Variants in PNO1 observed in about 807,000 individuals in gnomAD.
The protein encoded by PNO1 is partner of NOB1 homolog.
A neutral mutation model predicts 28.4 loss-of-function variants in PNO1; 16 were observed. The ratio of observed to expected loss-of-function variants is 0.56; its 90% confidence interval spans 0.38 to 0.85. The LOEUF (loss-of-function observed/expected upper bound fraction) is 0.85. Among genes scored for constraint, PNO1 ranks in the 40% least tolerant of loss-of-function variants. PNO1 has a pLI of 0.00. For missense variants in PNO1, 304 were observed against 312.2 expected (o/e 0.97, Z 0.20); for synonymous variants, 115 against 110.8 (o/e 1.04, Z -0.24).
intron 5 of PNO1, among the ~76,000 whole-genome samples, chr2:68,170,989 C>T (rs1674118175): frequency 6.6e-6 from 1 of 152,198 alleles, no homozygotes. Flanking sequence ...CTCAGCCTTT[C>T]TGTCACTCCG....
chr2:68,174,194 G>C (rs1394317106), intron 6 of PNO1, among the ~76,000 whole-genome samples: 1 of 151,512 alleles, frequency 6.6e-6, no homozygotes, highest in Non-Finnish European at 1.5e-5. Context: ...TCAGTGATTG[G>C]CTTCTTTTTG....
At position 68,163,540 on chromosome 2, in the gene PNO1, A is replaced by AATAAATAC. The variant is rs1553401137; in HGVS notation, c.620+880_620+881insAATACATA. On this transcript the variant is annotated intron_variant, in intron 5 of 6. Coordinates refer to ENST00000263657, the MANE Select transcript of PNO1 (RefSeq NM_020143.4). The stretch of plus-strand genomic sequence containing the variant: ...AGTGAGACTCTGTCTCAAATAAATA[A>AATAAATAC]ATACATACATACATACATACATACA... Among the ~76,000 whole-genome samples, 297 of 136,160 alleles carry AATAAATAC rather than the reference A, an allele frequency of 2.2e-3. 2 individuals carry two copies. Among genetic ancestry groups the AATAAATAC allele is most frequent in the African/African-American group, 4.0e-3 (149 of 37,660 alleles). 89.3% of individuals were successfully genotyped at this position (136,160 alleles called of 152,430 possible). A position where few individuals can be genotyped will look rare whatever the true frequency, so the allele number is the denominator to read the frequency against.
intron 5 of PNO1, 194 bp from the exon 6 acceptor site, chr2:68,173,153 C>T: frequency 3.1e-6 from 1 of 321,192 alleles, no homozygotes; most frequent in Non-Finnish European, 5.7e-6. Context: ...ATGTTGCACT[C>T]TACAGGCACG....
At chr2:68,167,006 T>C (rs534014709) in intron 5 of PNO1, among the ~76,000 whole-genome samples, 2 of 152,346 alleles carry the variant, frequency 1.3e-5, no homozygotes, top group East Asian at 3.9e-4. Flanking sequence ...TCCTGTACTG[T>C]CATGCAAAAC....
At chr2:68,172,608 A>C (rs1198991461) in intron 5 of PNO1, among the ~76,000 whole-genome samples, 1 of 152,228 alleles carries the variant, frequency 6.6e-6, no homozygotes, top group Non-Finnish European at 1.5e-5. Flanking sequence ...AAATTTAGAT[A>C]ATCTTTAGGA....
At chr2:68,171,859 G>A (rs945898542) in intron 5 of PNO1, among the ~76,000 whole-genome samples, 1 of 152,176 alleles carries the variant, frequency 6.6e-6, no homozygotes, top group Non-Finnish European at 1.5e-5. Flanking sequence ...GAAGGGCAGT[G>A]AAGGTGAGTA....
intron 5 of PNO1, among the ~76,000 whole-genome samples, chr2:68,163,479 C>T (rs1326105174): frequency 6.6e-6 from 1 of 151,898 alleles, no homozygotes. Context: ...TGCAGTGAGC[C>T]GAGATCATGC....
intron 5 of PNO1, among the ~76,000 whole-genome samples, chr2:68,168,707 C>T (rs72892464): frequency 0.02 from 2,989 of 152,200 alleles, 76 homozygotes; most frequent in African/African-American, 0.064. Flanking sequence ...GCCTGGGCGC[C>T]TAGGGGCTTT....
In PNO1 at chr2:68,162,608, A is replaced by G; in HGVS notation, c.565A>G (p.Lys189Glu). Residue 189 changes from lysine to glutamate, a missense_variant, in exon 5 of 7, where the codon AAA (lysine) becomes GAA (glutamate). Transcript: ENST00000263657. ...AIGRIAGKGG[K>E]TKFTIENVTR... Reference sequence around the variant, plus strand: ...AGGAAGAATCGCTGGCAAAGGAGGAAAAACCAAATTCACCATAGAGAATGT... The same window carrying G: ...AGGAAGAATCGCTGGCAAAGGAGGAGAAACCAAATTCACCATAGAGAATGT... 1 of 1,614,026 alleles carries G rather than the reference A, an allele frequency of 6.2e-7. No individual in the cohort carries two copies. The highest frequency in any genetic ancestry group is 8.5e-7 in the Non-Finnish European group (1 of 1,179,892).
chr2:68,160,737 TCTA>T (rs1452564237), intron 2 of PNO1, among the ~76,000 whole-genome samples: 1 of 152,234 alleles, frequency 6.6e-6, no homozygotes, highest in East Asian at 1.9e-4. Flanking sequence ...CTCAGGATCT[TCTA>T]CTCTGACCTC....
chr2:68,174,128 A>G lies in PNO1; in HGVS notation c.692-607A>G, dbSNP rs568649225. Among the ~76,000 whole-genome samples, 141 of 152,298 alleles carry G rather than the reference A, an allele frequency of 9.3e-4. 1 individual carries two copies. Among genetic ancestry groups the G allele is most frequent in the African/African-American group, 3.2e-3 (134 of 41,576 alleles). ...AGCAAAGTCAGTACTTTCTGATAAG[A>G]GTTGCAGGATCTTAGCGGCTTGCTC... On this transcript the variant is annotated intron_variant, in intron 6 of 6. Transcript: ENST00000263657.
chr2:68,158,075 G>A lies in PNO1; in HGVS notation c.141G>A (p.Met47Ile), dbSNP rs374331655. 7.1e-5 allele frequency: 115 copies of A among 1,613,530 alleles called. No individual in the cohort carries two copies. The highest frequency in any genetic ancestry group is 9.2e-5 in the Non-Finnish European group (108 of 1,179,918). The change falls in exon 1 of 7, where the codon ATG (methionine) becomes ATA (isoleucine). Residue 47 changes from methionine to isoleucine, a missense_variant. Physicochemically the swap from Met to Ile is conservative, Grantham distance 10. Transcript: ENST00000263657. ...GAGAGGGCGGGGATGCGGGCCGCATGGACACAGAGGAGGCCAGGCCGGCGA... is the reference window on the plus strand; with the variant it reads ...GAGAGGGCGGGGATGCGGGCCGCATAGACACAGAGGAGGCCAGGCCGGCGA... ...AAGEGGDAGR[M>I]DTEEARPAKR...
chr2:68,169,394 C>T (rs1674070684), intron 5 of PNO1, among the ~76,000 whole-genome samples: 1 of 152,152 alleles, frequency 6.6e-6, no homozygotes. Context: ...CGAGAAATCA[C>T]TTTCTACTGT....
At chr2:68,163,377 C>CA (rs1395601955) in intron 5 of PNO1, among the ~76,000 whole-genome samples, 1 of 151,760 alleles carries the variant, frequency 6.6e-6, no homozygotes, top group Non-Finnish European at 1.5e-5. Flanking sequence ...ACTAAAAATA[C>CA]AAAAATTAGC....
chr2:68,159,693 A>G (rs1673780142), intron 2 of PNO1, among the ~76,000 whole-genome samples: 1 of 152,174 alleles, frequency 6.6e-6, no homozygotes, highest in African/African-American at 2.4e-5. Flanking sequence ...ATGGAATATA[A>G]TAATGGAACA....
intron 2 of PNO1, 131 bp downstream of exon 2, chr2:68,158,660 A>G: frequency 1.3e-6 from 1 of 742,438 alleles, no homozygotes; most frequent in East Asian, 2.9e-5. Flanking sequence ...AATTTACCAT[A>G]TTGAGTTTGA....
In PNO1 at chr2:68,162,406, G is replaced by T; in HGVS notation, c.502+81G>T. The T allele has an allele frequency of 2.5e-6, 3 of 1,182,418 alleles. No individual in the cohort carries two copies. The South Asian group carries it at 3.9e-5, about 15-fold the overall frequency. 73.2% of individuals were successfully genotyped at this position (1,182,418 alleles called of 1,614,324 possible). A position where few individuals can be genotyped will look rare whatever the true frequency, so the allele number is the denominator to read the frequency against. Reference sequence around the variant, plus strand: ...TCTCAGTTTTCTAATAGCATCAATTGAGCTGTATTTTTAGCAACTTATATA... The same window carrying T: ...TCTCAGTTTTCTAATAGCATCAATTTAGCTGTATTTTTAGCAACTTATATA... On this transcript the variant is annotated intron_variant, in intron 4 of 6. Transcript: ENST00000263657.
chr2:68,160,356 T>C (rs568165269), intron 2 of PNO1, among the ~76,000 whole-genome samples: 1 of 152,354 alleles, frequency 6.6e-6, no homozygotes, highest in South Asian at 2.1e-4. Context: ...AGTTTGTTTA[T>C]GTCCATACTT....
At chr2:68,169,176 G>A (rs189223830) in intron 5 of PNO1, among the ~76,000 whole-genome samples, 20 of 151,912 alleles carry the variant, frequency 1.3e-4, no homozygotes, top group Non-Finnish European at 2.6e-4. Flanking sequence ...CAGTCCACCC[G>A]CCTCGGGCTC....
Sources: allele counts gnomAD v4.1 joint callset (sites outside exome capture counted in the v4.1 genomes callset), GRCh38; gene constraint gnomAD v4.1.1; transcripts MANE v1.5; gene names NCBI Gene and HGNC (gene_info 2026-07-23, HGNC 2026-07-21).